DDC: variants seen among roughly 807,000 people sequenced by gnomAD.
DDC encodes the protein aromatic-L-amino-acid decarboxylase.
In DDC, 43 loss-of-function variants were observed where a neutral mutation model predicts 60.0. The observed-to-expected ratio is 0.72, with a 90% confidence interval of 0.56 to 0.92. DDC has a LOEUF of 0.92. DDC is among the 40% of genes least tolerant of loss of function. The pLI is 0.00. For missense variants in DDC, 573 were observed against 620.2 expected (o/e 0.92, Z 0.81); for synonymous variants, 232 against 234.6 (o/e 0.99, Z 0.10).
intron 4 of DDC, chr7:50,531,966 G>A (rs563019961): frequency 1.3e-5 from 2 of 152,020 alleles, no homozygotes. Context: ...AGTTTTTTTC[G>A]AAGCAAAAAA....
intron 6 of DDC, among the ~76,000 whole-genome samples, chr7:50,514,540 C>T (rs1414363138): frequency 6.6e-6 from 1 of 152,144 alleles, no homozygotes; most frequent in Non-Finnish European, 1.5e-5. Flanking sequence ...ATCGGGGAAG[C>T]ACCAGAGAAA....
chr7:50,538,878 C>T (rs1161147494), intron 3 of DDC, among the ~76,000 whole-genome samples: 3 of 152,208 alleles, frequency 2.0e-5, no homozygotes, highest in South Asian at 4.1e-4. Flanking sequence ...GCCAGCCCTG[C>T]CCAGCAGAGA....
rs73351237 is a variant in DDC at position 50,484,832 on chromosome 7, T to C, written c.945-4969A>G. On this transcript the variant is annotated intron_variant, in intron 9 of 14. Transcript: ENST00000444124. ...AAGCCTGGCTCCTTACGTTTTCTTT[T>C]TTAAAAAATCTACAACACTACATAG... is the stretch of plus-strand genomic sequence containing the variant. Among the ~76,000 whole-genome samples the C allele has an allele frequency of 7.6e-3, 1,162 of 152,322 alleles. 19 individuals are homozygous for C. The highest frequency in any genetic ancestry group is 0.027 in the African/African-American group (1,122 of 41,562).
chr7:50,530,187 G>A (rs183881124), intron 4 of DDC, among the ~76,000 whole-genome samples: 117 of 152,140 alleles, frequency 7.7e-4, no homozygotes, highest in African/African-American at 2.7e-3. Context: ...CCTGGGAGGC[G>A]GAGGTTGCAG....
intron 1 of DDC, among the ~76,000 whole-genome samples, chr7:50,562,986 A>T (rs1414178016): frequency 6.6e-6 from 1 of 152,064 alleles, no homozygotes; most frequent in Non-Finnish European, 1.5e-5. Flanking sequence ...GGCCAGCATG[A>T]TGAAATCCCA....
intron 1 of DDC, among the ~76,000 whole-genome samples, chr7:50,558,814 C>T (rs911995874): frequency 3.3e-5 from 5 of 152,224 alleles, no homozygotes; most frequent in Non-Finnish European, 4.4e-5. Context: ...AGGGCTCTCA[C>T]TGGGGATGGG....
intron 14 of DDC, among the ~76,000 whole-genome samples, chr7:50,459,081 C>T (rs914813024): frequency 9.2e-5 from 14 of 152,210 alleles, no homozygotes; most frequent in South Asian, 2.1e-4. Flanking sequence ...CTCAGCCTGC[C>T]GAGTGCCTGC....
At chr7:50,467,077 G>A (rs952335454) in intron 13 of DDC, 137 bp downstream of exon 13, 5 of 840,184 alleles carry the variant, frequency 6.0e-6, no homozygotes, top group African/African-American at 3.3e-5. Flanking sequence ...AGGGCAGGCC[G>A]GTGGGCCAAA....
chr7:50,519,672 T>A (rs1471981282), intron 6 of DDC, among the ~76,000 whole-genome samples: 1 of 151,998 alleles, frequency 6.6e-6, no homozygotes, highest in Non-Finnish European at 1.5e-5. Context: ...CTCACTGATA[T>A]GTGGGAGCTA....
intron 1 of DDC, among the ~76,000 whole-genome samples, chr7:50,561,819 C>T (rs1053675055): frequency 2.0e-5 from 3 of 152,272 alleles, no homozygotes; most frequent in South Asian, 2.1e-4. Context: ...ACTCAGATGA[C>T]GAGCAGCCTG....
intron 6 of DDC, among the ~76,000 whole-genome samples, chr7:50,522,356 G>A (rs929279352): frequency 5.9e-5 from 9 of 152,262 alleles, no homozygotes; most frequent in South Asian, 2.1e-4. Context: ...AACAAAATGC[G>A]TAAATTCAAT....
At chr7:50,555,852 G>A (rs2045167488) in intron 1 of DDC, among the ~76,000 whole-genome samples, 3 of 152,200 alleles carry the variant, frequency 2.0e-5, no homozygotes, top group Admixed American at 6.5e-5. Flanking sequence ...AATTCCTGCA[G>A]TCTGGCTCCT....
intron 1 of DDC, among the ~76,000 whole-genome samples, chr7:50,558,456 C>T (rs2045253608): frequency 6.6e-6 from 1 of 152,146 alleles, no homozygotes; most frequent in Non-Finnish European, 1.5e-5. Context: ...TGCTAAGAAG[C>T]CTGCACTTGA....
intron 9 of DDC, chr7:50,493,077 C>T (rs1226301536): frequency 7.7e-7 from 1 of 1,293,812 alleles, no homozygotes; most frequent in Non-Finnish European, 1.1e-6. Context: ...AGATTAGGGA[C>T]CCAAAATATT....
chr7:50,505,156 G>A (rs11575367), intron 6 of DDC, among the ~76,000 whole-genome samples: 3 of 152,314 alleles, frequency 2.0e-5, no homozygotes, highest in East Asian at 3.9e-4. Context: ...CCACACACAT[G>A]TCTGTCTCTC....
At chr7:50,493,951 C>A (rs1203573703) in intron 9 of DDC, among the ~76,000 whole-genome samples, 2 of 152,166 alleles carry the variant, frequency 1.3e-5, no homozygotes, top group African/African-American at 4.8e-5. Context: ...ACATACTGAA[C>A]AATTTTGCAA....
intron 9 of DDC, among the ~76,000 whole-genome samples, chr7:50,481,571 T>C (rs2042769535): frequency 6.6e-6 from 1 of 152,150 alleles, no homozygotes; most frequent in Admixed American, 6.5e-5. Flanking sequence ...ATTAAAGCCA[T>C]ACAAAAGATG....
At chr7:50,540,219 T>A in intron 2 of DDC, 191 bp from the exon 3 acceptor site, 1 of 622,334 alleles carries the variant, frequency 1.6e-6, no homozygotes, top group Non-Finnish European at 3.0e-6. Flanking sequence ...CACATCACCT[T>A]ACTGTCCCCA....
Position 50,544,106 on chromosome 7 carries a change from G to A in DDC, c.-21C>T, listed in dbSNP as rs1406417225. ...TTCATGGTGTCTGGGCTCTGTCAGA[G>A]GTGAAAACTGCAGAAAGAAAATGAT... On this transcript the variant is annotated 5_prime_UTR_variant, in exon 2 of 15. Transcript: ENST00000444124. 1 of 1,611,296 alleles carries A rather than the reference G, an allele frequency of 6.2e-7. No homozygotes were observed. Among genetic ancestry groups the A allele is most frequent in the Non-Finnish European group, 8.5e-7 (1 of 1,177,464 alleles).
Sources: gnomAD v4.1 joint callset for allele counts (sites outside exome capture counted in the v4.1 genomes callset) on GRCh38, gnomAD v4.1.1 for gene constraint, MANE v1.5 for transcripts, NCBI Gene and HGNC (gene_info 2026-07-23, HGNC 2026-07-21) for gene names.